The following MMP16 variants were observed in gnomAD, a reference collection of about 807,000 sequenced individuals.
MMP16 encodes the protein matrix metalloproteinase-16.
In MMP16, 12 loss-of-function variants were observed where a neutral mutation model predicts 67.8. The observed-to-expected ratio is 0.18, with a 90% CI of 0.11 to 0.29. The LOEUF (loss-of-function observed/expected upper bound fraction) is 0.29, where lower values mean the gene tolerates loss of function less well. MMP16 is among the 10% of genes least tolerant of loss of function. The pLI, the probability that MMP16 is intolerant of heterozygous loss-of-function variation, is 1.00. For synonymous variants in MMP16, 249 were observed against 255.9 expected (o/e 0.97, Z 0.26); for missense variants, 475 against 765.7 (o/e 0.62, Z 4.48).
chr8:88,167,640 T>G, intron 4 of MMP16, 29 bp downstream of exon 4: 1 of 1,539,528 alleles, frequency 6.5e-7, no homozygotes, highest in Non-Finnish European at 8.8e-7. Context: ...AATAGAAATA[T>G]TTACACTGTA....
chr8:88,141,953 C>G (rs189667077), intron 4 of MMP16, among the ~76,000 whole-genome samples: 1 of 150,540 alleles, frequency 6.6e-6, no homozygotes, highest in Non-Finnish European at 1.5e-5. Flanking sequence ...CTCGCTCTGT[C>G]GCCAAGGTTA....
intron 1 of MMP16, among the ~76,000 whole-genome samples, chr8:88,259,560 C>T (rs1286746560): frequency 1.3e-4 from 19 of 150,796 alleles, no homozygotes; most frequent in Admixed American, 1.3e-3. Context: ...GAAGGATCCA[C>T]CTTATCCTTA....
intron 1 of MMP16, among the ~76,000 whole-genome samples, chr8:88,284,835 C>A (rs62524508): frequency 6.7e-6 from 1 of 150,174 alleles, no homozygotes. Flanking sequence ...CTTCTCTATG[C>A]CTTTTTTTTT....
intron 6 of MMP16, among the ~76,000 whole-genome samples, chr8:88,094,766 T>G (rs571097891): frequency 7.4e-4 from 113 of 151,918 alleles, no homozygotes; most frequent in Admixed American, 4.1e-3. Context: ...GTAGGAAAAT[T>G]TGTCCATTTT....
At chr8:88,312,293 T>C (rs765894562) in intron 1 of MMP16, among the ~76,000 whole-genome samples, 2 of 152,334 alleles carry the variant, frequency 1.3e-5, no homozygotes, top group South Asian at 2.1e-4. Flanking sequence ...CAATCTTTTA[T>C]AGTTAGACAT....
intron 1 of MMP16, among the ~76,000 whole-genome samples, chr8:88,281,731 G>C (rs1403834142): frequency 6.6e-6 from 1 of 152,106 alleles, no homozygotes; most frequent in Non-Finnish European, 1.5e-5. Context: ...CCCCTGTCAG[G>C]GGGTGGACAA....
intron 4 of MMP16, among the ~76,000 whole-genome samples, chr8:88,155,415 T>C (rs1240076312): frequency 6.6e-6 from 1 of 152,122 alleles, no homozygotes; most frequent in African/African-American, 2.4e-5. Flanking sequence ...AAAGAATCTT[T>C]TTCTTTACTT....
intron 1 of MMP16, among the ~76,000 whole-genome samples, chr8:88,302,374 TG>T (rs1319956197): frequency 6.6e-6 from 1 of 152,210 alleles, no homozygotes; most frequent in Admixed American, 6.5e-5. Flanking sequence ...CTCAGCTCTT[TG>T]TTTTTCTCAG....
intron 1 of MMP16, among the ~76,000 whole-genome samples, chr8:88,206,376 G>A (rs1349721309): frequency 6.6e-6 from 1 of 152,132 alleles, no homozygotes; most frequent in Non-Finnish European, 1.5e-5. Context: ...CACTGTTTGT[G>A]TGGAGATTGC....
chr8:88,225,662 G>GGC (rs1349971175), intron 1 of MMP16, among the ~76,000 whole-genome samples: 1 of 151,328 alleles, frequency 6.6e-6, no homozygotes, highest in African/African-American at 2.4e-5. Flanking sequence ...TACAATAACA[G>GGC]GCACACACAC....
At chr8:88,318,030 A>G (rs1415965945) in intron 1 of MMP16, among the ~76,000 whole-genome samples, 1 of 152,236 alleles carries the variant, frequency 6.6e-6, no homozygotes, top group Admixed American at 6.5e-5. Flanking sequence ...CAATAGATGC[A>G]ACACATAAAA....
chr8:88,145,871 C>G (rs1386094988), intron 4 of MMP16, among the ~76,000 whole-genome samples: 1 of 151,946 alleles, frequency 6.6e-6, no homozygotes, highest in South Asian at 2.1e-4. Context: ...TTCAGAAATG[C>G]TACCAGTATC....
chr8:88,144,306 T>C lies in MMP16; in HGVS notation c.709+23363A>G, dbSNP rs191258504. Among the ~76,000 whole-genome samples, 6 of 152,008 alleles carry C rather than the reference T, an allele frequency of 3.9e-5. No homozygotes were observed. In the East Asian group the frequency reaches 1.2e-3, roughly 29 times the overall value. On this transcript the variant is annotated intron_variant, in intron 4 of 9. Transcript: ENST00000286614. The stretch of plus-strand genomic sequence containing the variant: ...CAAAATTAAATTTTTTAGGTGGCTA[T>C]AAAAAATCAGGCAGTTGGCATACAA...
At chr8:88,135,654 G>A (rs1004874991) in intron 4 of MMP16, among the ~76,000 whole-genome samples, 3 of 151,834 alleles carry the variant, frequency 2.0e-5, no homozygotes, top group Admixed American at 6.6e-5. Context: ...GAGAATCGAC[G>A]TAACCATGTT....
At chr8:88,231,126 C>A (rs1314943947) in intron 1 of MMP16, among the ~76,000 whole-genome samples, 1 of 152,072 alleles carries the variant, frequency 6.6e-6, no homozygotes, top group Non-Finnish European at 1.5e-5. Flanking sequence ...CTTGAAATAG[C>A]TGTAATACCA....
At chr8:88,258,569 T>C (rs1306132969) in intron 1 of MMP16, among the ~76,000 whole-genome samples, 2 of 152,158 alleles carry the variant, frequency 1.3e-5, no homozygotes, top group African/African-American at 4.8e-5. Context: ...TAAAACCTCA[T>C]ATGAACAAAG....
At chr8:88,043,480 T>C (rs897539087) in intron 9 of MMP16, among the ~76,000 whole-genome samples, 5 of 152,130 alleles carry the variant, frequency 3.3e-5, no homozygotes, top group Admixed American at 2.0e-4. Flanking sequence ...ACAGGGTTTC[T>C]CCATGTTGGT....
chr8:88,150,932 G>A (rs1470356370), intron 4 of MMP16, among the ~76,000 whole-genome samples: 12 of 133,928 alleles, frequency 9.0e-5, no homozygotes, highest in Non-Finnish European at 1.1e-4. Context: ...TGGATAAAGA[G>A]TCAAGACCCA....
chr8:88,040,731 G>A lies in MMP16; in HGVS notation c.*730C>T, dbSNP rs1808120054. On this transcript the variant is annotated 3_prime_UTR_variant, in exon 10 of 10. Transcript: ENST00000286614. ...GCGATGAAACACTGAGGACATAGCT[G>A]AGAACAGCTGTATAAAACGAAAAAT... is the stretch of plus-strand genomic sequence containing the variant. 1 of 152,638 alleles carries A rather than the reference G, an allele frequency of 6.6e-6. No homozygotes were observed. Among genetic ancestry groups the A allele is most frequent in the African/African-American group, 2.4e-5 (1 of 41,452 alleles). 9.5% of individuals were successfully genotyped at this position (152,638 alleles called of 1,614,324 possible).
Sources: gnomAD v4.1 joint callset for allele counts (sites outside exome capture counted in the v4.1 genomes callset) on GRCh38, gnomAD v4.1.1 for gene constraint, MANE v1.5 for transcripts, NCBI Gene and HGNC (gene_info 2026-07-23, HGNC 2026-07-21) for gene names.